Variants in STX16 observed in about 807,000 individuals in gnomAD.
STX16 encodes syntaxin-16.
In STX16, 28 loss-of-function variants were observed where a neutral mutation model predicts 42.7. The observed-to-expected ratio is 0.66, with a 90% CI of 0.49 to 0.90. The LOEUF is 0.90. STX16 is among the 40% of genes least tolerant of loss of function. The pLI is 0.00. For synonymous variants in STX16, 156 were observed against 155.2 expected (o/e 1.00, Z -0.04); for missense variants, 361 against 420.9 (o/e 0.86, Z 1.24).
At chr20:58,660,647 C>A (rs899631847) in intron 2 of STX16, among the ~76,000 whole-genome samples, 4 of 151,520 alleles carry the variant, frequency 2.6e-5, no homozygotes, top group African/African-American at 9.7e-5. Flanking sequence ...GTGGAATAAG[C>A]CCCAGACACA....
In STX16 at chr20:58,657,920, C is replaced by G. The variant is rs1600998253; in HGVS notation, c.133-1703C>G. Among the ~76,000 whole-genome samples, 5 of 152,218 alleles carry G rather than the reference C, an allele frequency of 3.3e-5. No homozygotes were observed. The South Asian group carries it at 1.0e-3, about 32-fold the overall frequency. ...GGCTGGAGGGTGGGGTGGAAAGAGA[C>G]CTGAACACCTGGGTCTGTCCCCAGT... On this transcript the variant is annotated intron_variant, in intron 1 of 8. Transcript: ENST00000371141. The surrounding 1 kb of genome is among the most constrained non-coding windows in gnomAD (Gnocchi z 4.2).
At position 58,678,502 on chromosome 20, in the gene STX16, G is replaced by C. The variant is rs977987722; in HGVS notation, c.*2211G>C. On this transcript the variant is annotated 3_prime_UTR_variant, in exon 9 of 9. Coordinates refer to ENST00000371141, the MANE Select transcript of STX16 (RefSeq NM_001001433.3). ...TCTACAAAAAATACAAAAATTAGCC[G>C]GGTGGGACACGCCTGTAATCCCAGC... The C allele has an allele frequency of 6.6e-6, 1 of 151,992 alleles. No individual in the cohort carries two copies. Among genetic ancestry groups the C allele is most frequent in the Non-Finnish European group, 1.5e-5 (1 of 68,076 alleles). 9.4% of individuals were successfully genotyped at this position (151,992 alleles called of 1,614,324 possible). A position where few individuals can be genotyped will look rare whatever the true frequency, so the allele number is the denominator to read the frequency against.
intron 2 of STX16, among the ~76,000 whole-genome samples, chr20:58,659,871 G>A (rs1344330353): frequency 6.6e-6 from 1 of 152,214 alleles, no homozygotes; most frequent in Non-Finnish European, 1.5e-5. Context: ...TCTTGGGAAA[G>A]TGTCTTAACT....
In STX16 at chr20:58,651,987, G is replaced by A. The variant is rs1351699728; in HGVS notation, c.-20G>A. The stretch of plus-strand genomic sequence containing the variant: ...AAGTGGGCGGGGGGCCCCTGAGAGG[G>A]GGGTCGCAAAGGGTGAGACATGGCC... On this transcript the variant is annotated 5_prime_UTR_variant, in exon 1 of 9. Transcript: ENST00000371141. 6.2e-7 allele frequency: 1 copy of A among 1,613,050 alleles called. No homozygotes were observed. Among genetic ancestry groups the A allele is most frequent in the Non-Finnish European group, 8.5e-7 (1 of 1,179,068 alleles).
rs762520114 is a variant in STX16, at chr20:58,652,347, C to A, written c.132+209C>A. 5 of 681,474 alleles carry A rather than the reference C, an allele frequency of 7.3e-6. No homozygotes were observed. In the South Asian group the frequency reaches 7.5e-5, roughly 10 times the overall value. The allele number at this position is 681,474 out of a possible 1,614,324, so 42.2% of individuals were successfully genotyped here. A position where few individuals can be genotyped will look rare whatever the true frequency, so the allele number is the denominator to read the frequency against. On this transcript the variant is annotated intron_variant, in intron 1 of 8. Transcript: ENST00000371141. ...GTGAGGCCGCAGCTCCACCTCTGCC[C>A]GGTCTTCTCCTCACTTCCGCAGCAC...
At chr20:58,659,022 T>C (rs1429575712) in intron 1 of STX16, among the ~76,000 whole-genome samples, 3 of 152,110 alleles carry the variant, frequency 2.0e-5, no homozygotes, top group Non-Finnish European at 4.4e-5. Context: ...CTCAGCTCTC[T>C]TACTACCAGG....
At chr20:58,656,600 T>G (rs756826893) in intron 1 of STX16, among the ~76,000 whole-genome samples, 1 of 152,224 alleles carries the variant, frequency 6.6e-6, no homozygotes, top group Non-Finnish European at 1.5e-5. Flanking sequence ...GGAGCTACTT[T>G]GTTAGTGTTT....
chr20:58,659,719 A>G, intron 2 of STX16, 85 bp downstream of exon 2: 1 of 1,402,764 alleles, frequency 7.1e-7, no homozygotes, highest in South Asian at 1.2e-5. Flanking sequence ...CTCATATATA[A>G]AATGCTAACA....
At chr20:58,658,127 C>T (rs181719422) in intron 1 of STX16, among the ~76,000 whole-genome samples, 28 of 152,096 alleles carry the variant, frequency 1.8e-4, no homozygotes, top group Admixed American at 1.8e-3. Flanking sequence ...GTTAATAATC[C>T]AAGAGCATAG....
chr20:58,673,849 A>T (rs536661589), intron 8 of STX16, 138 bp downstream of exon 8: 22 of 590,492 alleles, frequency 3.7e-5, no homozygotes, highest in Admixed American at 1.5e-4. Context: ...GTAAAAAGGG[A>T]TTCATCATTT....
At chr20:58,663,609 C>G (rs1263420469) in intron 2 of STX16, among the ~76,000 whole-genome samples, 2 of 151,662 alleles carry the variant, frequency 1.3e-5, no homozygotes, top group Admixed American at 6.6e-5. Flanking sequence ...TCTTAATTCT[C>G]TTAAGTACAA....
intron 4 of STX16, 136 bp downstream of exon 4, chr20:58,668,263 T>G: frequency 1.8e-6 from 2 of 1,129,348 alleles, no homozygotes; most frequent in African/African-American, 1.6e-5. Flanking sequence ...CAAGAGGCCC[T>G]GAAGTCCTCC....
chr20:58,667,214 A>G lies in STX16; in HGVS notation c.145-276A>G, dbSNP rs143569185. The G allele has an allele frequency of 2.5e-3, 1,323 of 532,554 alleles. 14 individuals are homozygous for G. The highest frequency in any genetic ancestry group is 0.023 in the African/African-American group (1,217 of 52,628). 33.0% of individuals were successfully genotyped at this position (532,554 alleles called of 1,614,324 possible). The stretch of plus-strand genomic sequence containing the variant: ...ACATTTCTATAGCCAGATCAAGTCA[A>G]ATTTACGTTCTGAAGTATGTCCAAG... On this transcript the variant is annotated intron_variant, in intron 2 of 8. Coordinates refer to ENST00000371141, the MANE Select transcript of STX16 (RefSeq NM_001001433.3).
At position 58,676,109 on chromosome 20, in the gene STX16, C is replaced by A; in HGVS notation, c.874-78C>A. On this transcript the variant is annotated intron_variant, in intron 8 of 8. Transcript: ENST00000371141. ...GTCACTGTGCAGAGAGATCTGGAAG[C>A]CTCATTCTGGAAACGAGTGGGACTT... 3.4e-6 allele frequency: 4 copies of A among 1,170,320 alleles called. No homozygotes were observed. The South Asian group carries it at 5.1e-5, about 15-fold the overall frequency. 72.5% of individuals were successfully genotyped at this position (1,170,320 alleles called of 1,614,324 possible).
chr20:58,670,670 A>C, intron 6 of STX16, 67 bp downstream of exon 6: 1 of 1,312,414 alleles, frequency 7.6e-7, no homozygotes, highest in East Asian at 2.3e-5. Flanking sequence ...TTCACCTCCT[A>C]GACCTCGATC....
At chr20:58,659,474 G>A in intron 1 of STX16, 149 bp from the exon 2 acceptor site, 1 of 595,776 alleles carries the variant, frequency 1.7e-6, no homozygotes, top group South Asian at 4.2e-5. Context: ...ATTTTAAAAT[G>A]CCTTGCTTAG....
chr20:58,651,943 G>A lies in STX16; in HGVS notation c.-64G>A, dbSNP rs2083465623. The A allele has an allele frequency of 1.3e-6, 2 of 1,565,354 alleles. No individual in the cohort carries two copies. The highest frequency in any genetic ancestry group is 2.3e-5 in the East Asian group (1 of 44,368). On this transcript the variant is annotated 5_prime_UTR_variant, in exon 1 of 9. The change creates a new upstream start codon in the 5' untranslated region. Transcript: ENST00000371141. ...GGCCAGCCGGGCCACGAGAAAGAAA[G>A]TGAATAAATCAGGAATATAAGTGGG...
chr20:58,652,251 C>T, intron 1 of STX16, 113 bp downstream of exon 1: 1 of 1,439,766 alleles, frequency 6.9e-7, no homozygotes, highest in Non-Finnish European at 9.5e-7. Context: ...AATAATAAGA[C>T]TAAGAATAAT....
chr20:58,668,580 T>A (rs2083896039), intron 4 of STX16, among the ~76,000 whole-genome samples: 1 of 152,002 alleles, frequency 6.6e-6, no homozygotes, highest in Non-Finnish European at 1.5e-5. Flanking sequence ...CATTTTTTAC[T>A]GAAGTCTCCT....
Sources: allele counts gnomAD v4.1 joint callset (sites outside exome capture counted in the v4.1 genomes callset), GRCh38; gene constraint gnomAD v4.1.1; non-coding constraint Gnocchi (gnomAD v3.1); transcripts MANE v1.5; gene names NCBI Gene and HGNC (gene_info 2026-07-23, HGNC 2026-07-21).